Variants in ELP4 observed in about 807,000 individuals in gnomAD.
ELP4 encodes the protein elongator complex protein 4.
Under a neutral mutation model 48.9 loss-of-function variants are expected in ELP4, and 51 were observed. The observed-to-expected ratio is 1.04, with a 90% CI of 0.83 to 1.32. The LOEUF is 1.32. Among genes scored for constraint, ELP4 ranks in the 40% most tolerant of loss-of-function variants. The pLI is 0.00. For synonymous variants in ELP4, 210 were observed against 189.2 expected (o/e 1.11, Z -0.90); for missense variants, 519 against 514.6 (o/e 1.01, Z -0.08).
At chr11:31,654,051 G>A (rs1945378220) in intron 9 of ELP4, 1 of 151,496 alleles carries the variant, frequency 6.6e-6, no homozygotes. Flanking sequence ...TCATACTGTA[G>A]CACATTCTAG....
At chr11:31,554,643 C>T (rs550074285) in intron 3 of ELP4, among the ~76,000 whole-genome samples, 1 of 152,184 alleles carries the variant, frequency 6.6e-6, no homozygotes, top group Admixed American at 6.5e-5. Flanking sequence ...ATATTATTAA[C>T]TATAGTCACT....
intron 9 of ELP4, among the ~76,000 whole-genome samples, chr11:31,700,929 T>G (rs1049983785): frequency 3.3e-5 from 5 of 152,086 alleles, no homozygotes; most frequent in Admixed American, 6.6e-5. Context: ...TGAGTAGATT[T>G]CTTCCTCTCC....
chr11:31,637,330 A>G (rs1480184769), intron 7 of ELP4: 4 of 151,876 alleles, frequency 2.6e-5, no homozygotes, highest in African/African-American at 4.8e-5. Flanking sequence ...TCACAACTCA[A>G]CTGTTCAAAA....
At chr11:31,685,161 G>C (rs1946134373) in intron 9 of ELP4, among the ~76,000 whole-genome samples, 1 of 151,884 alleles carries the variant, frequency 6.6e-6, no homozygotes, top group African/African-American at 2.4e-5. Context: ...GACCATCCTG[G>C]CCAACATGGT....
At chr11:31,538,381 AATTAT>A (rs1305833789) in intron 2 of ELP4, among the ~76,000 whole-genome samples, 2 of 148,236 alleles carry the variant, frequency 1.3e-5, no homozygotes, top group Admixed American at 6.8e-5. Context: ...ACTACAATAT[AATTAT>A]ATTGTATTAT....
intron 9 of ELP4, among the ~76,000 whole-genome samples, chr11:31,704,155 C>G (rs1946581371): frequency 6.6e-6 from 1 of 151,866 alleles, no homozygotes; most frequent in Admixed American, 6.6e-5. Context: ...CAAATTATCT[C>G]TTATTATTTC....
At position 31,704,207 on chromosome 11, in the gene ELP4, T is replaced by C. The variant is rs1007717921; in HGVS notation, c.1143+53986T>C. Among the ~76,000 whole-genome samples the C allele has an allele frequency of 2.6e-5, 4 of 151,422 alleles. No individual in the cohort carries two copies. The East Asian group carries it at 5.8e-4, about 22-fold the overall frequency. The stretch of plus-strand genomic sequence containing the variant: ...GTTTGGATTTGTATCTGTTTGAAAA[T>C]AGAAAAACTTCTCAGCAACTAAAAA... On this transcript the variant is annotated intron_variant, in intron 9 of 9. Coordinates refer to ENST00000640961, the MANE Select transcript of ELP4 (RefSeq NM_019040.5).
intron 5 of ELP4, among the ~76,000 whole-genome samples, chr11:31,623,344 A>T (rs1944660880): frequency 1.1e-5 from 1 of 94,892 alleles, no homozygotes; most frequent in Non-Finnish European, 2.2e-5. Flanking sequence ...GAAGATATTT[A>T]TTTTCAGCAA....
At chr11:31,519,893 C>A (rs1246259189) in intron 1 of ELP4, among the ~76,000 whole-genome samples, 163 bp from the exon 2 acceptor site, 2 of 151,182 alleles carry the variant, frequency 1.3e-5, no homozygotes, top group Non-Finnish European at 2.9e-5. Flanking sequence ...GTAATTATTT[C>A]ATAATAGCAC....
At chr11:31,694,555 G>C (rs1010827019) in intron 9 of ELP4, among the ~76,000 whole-genome samples, 2 of 152,092 alleles carry the variant, frequency 1.3e-5, no homozygotes, top group African/African-American at 4.8e-5. Flanking sequence ...ATGCTGTTTT[G>C]GTTACTGTAG....
chr11:31,701,922 A>G (rs1946531454), intron 9 of ELP4, among the ~76,000 whole-genome samples: 2 of 152,088 alleles, frequency 1.3e-5, no homozygotes, highest in Admixed American at 1.3e-4. Flanking sequence ...TTTAGTGTTT[A>G]TATATTATTC....
At chr11:31,766,219 T>C (rs974826445) in intron 9 of ELP4, among the ~76,000 whole-genome samples, 1 of 152,128 alleles carries the variant, frequency 6.6e-6, no homozygotes, top group South Asian at 2.1e-4. Flanking sequence ...TAAAGAGATA[T>C]TTTATATCTG....
intron 2 of ELP4, among the ~76,000 whole-genome samples, chr11:31,531,330 A>G (rs1274604402): frequency 6.6e-6 from 1 of 152,236 alleles, no homozygotes; most frequent in East Asian, 1.9e-4. Flanking sequence ...TATGTATACT[A>G]TGTGCCGGGC....
chr11:31,549,794 A>G (rs1234862964), intron 3 of ELP4, among the ~76,000 whole-genome samples: 1 of 152,266 alleles, frequency 6.6e-6, no homozygotes, highest in African/African-American at 2.4e-5. Context: ...ACACCATGGA[A>G]TACTATGCAG....
At position 31,784,892 on chromosome 11, in the gene ELP4, AT is replaced by A. The variant is rs1948487623; in HGVS notation, c.*1374del. ...CATCATATCCTGTCACTACCAGTTT[AT>A]TTTTTGTGATCAAAATCAAAAAGAC... On this transcript the variant is annotated 3_prime_UTR_variant, in exon 10 of 10. Transcript: ENST00000640961. 1.1e-5 allele frequency: 2 copies of A among 179,426 alleles called. No individual in the cohort carries two copies. The highest frequency in any genetic ancestry group is 2.4e-5 in the Non-Finnish European group (2 of 83,666). The allele number at this position is 179,426 out of a possible 1,614,324, so 11.1% of individuals were successfully genotyped here.
chr11:31,524,503 A>G (rs767938371), intron 2 of ELP4, among the ~76,000 whole-genome samples: 4 of 152,244 alleles, frequency 2.6e-5, no homozygotes, highest in Non-Finnish European at 4.4e-5. Context: ...CATCTTTGCC[A>G]TAATCTCTTG....
intron 9 of ELP4, among the ~76,000 whole-genome samples, chr11:31,697,695 T>C (rs952293165): frequency 6.6e-6 from 1 of 152,156 alleles, no homozygotes; most frequent in African/African-American, 2.4e-5. Flanking sequence ...GGAATTATTG[T>C]CCACTATTAA....
chr11:31,515,349 A>G (rs1236274365), intron 1 of ELP4, among the ~76,000 whole-genome samples: 1 of 152,160 alleles, frequency 6.6e-6, no homozygotes, highest in African/African-American at 2.4e-5. Flanking sequence ...TAGAATTTTA[A>G]TACACATAAG....
At chr11:31,520,599 G>T (rs1043490846) in intron 2 of ELP4, among the ~76,000 whole-genome samples, 3 of 151,636 alleles carry the variant, frequency 2.0e-5, no homozygotes, top group Non-Finnish European at 4.4e-5. Context: ...GTATATATAG[G>T]TCACAGAATC....
Sources: gnomAD v4.1 joint callset for allele counts (sites outside exome capture counted in the v4.1 genomes callset) on GRCh38, gnomAD v4.1.1 for gene constraint, MANE v1.5 for transcripts, NCBI Gene and HGNC (gene_info 2026-07-23, HGNC 2026-07-21) for gene names.